AGMO: variants seen among roughly 807,000 people sequenced by gnomAD.
AGMO encodes the protein glyceryl-ether monooxygenase.
A neutral mutation model predicts 60.2 loss-of-function variants in AGMO; 75 were observed. That is an observed-to-expected ratio of 1.25 (90% CI 1.03 to 1.51). The LOEUF is 1.51. Ranked by LOEUF, AGMO falls within the 40% of genes most tolerant of loss-of-function variation. The pLI, the probability that AGMO is intolerant of heterozygous loss-of-function variation, is 0.00. For synonymous variants in AGMO, 261 were observed against 177.1 expected (o/e 1.47, Z -3.76); for missense variants, 763 against 525.5 (o/e 1.45, Z -4.42).
intron 12 of AGMO, chr7:15,306,571 T>A (rs1222958882): frequency 1.6e-5 from 6 of 373,604 alleles, no homozygotes; most frequent in Non-Finnish European, 1.6e-5. Flanking sequence ...TATGACTGTG[T>A]AAAAAAAAAA....
At chr7:15,355,338 TAA>T (rs902276805) in intron 12 of AGMO, among the ~76,000 whole-genome samples, 1 of 151,612 alleles carries the variant, frequency 6.6e-6, no homozygotes, top group Non-Finnish European at 1.5e-5. Flanking sequence ...CTGTCTCTAC[TAA>T]AAATACAAAA....
intron 4 of AGMO, among the ~76,000 whole-genome samples, chr7:15,423,120 T>C (rs1780969355): frequency 6.6e-6 from 1 of 152,194 alleles, no homozygotes; most frequent in African/African-American, 2.4e-5. Flanking sequence ...TTGAAAAATA[T>C]TTCATTAACA....
chr7:15,282,926 G>T (rs1219970723), intron 12 of AGMO, among the ~76,000 whole-genome samples: 1 of 152,122 alleles, frequency 6.6e-6, no homozygotes, highest in Non-Finnish European at 1.5e-5. Context: ...AAGTATTAAG[G>T]TCTTATCTTT....
intron 12 of AGMO, among the ~76,000 whole-genome samples, chr7:15,351,708 T>C (rs940739119): frequency 3.9e-5 from 6 of 152,318 alleles, no homozygotes; most frequent in African/African-American, 1.4e-4. Flanking sequence ...ACATTTTAAG[T>C]GGACACATAA....
At chr7:15,330,234 AAAT>A (rs1394534284) in intron 12 of AGMO, among the ~76,000 whole-genome samples, 4 of 152,130 alleles carry the variant, frequency 2.6e-5, no homozygotes, top group African/African-American at 9.7e-5. Flanking sequence ...AGTAGTACTA[AAAT>A]AATAAAATCC....
intron 2 of AGMO, among the ~76,000 whole-genome samples, chr7:15,550,350 A>T (rs1207801076): frequency 6.6e-6 from 1 of 152,070 alleles, no homozygotes; most frequent in Non-Finnish European, 1.5e-5. Flanking sequence ...GACACAAAAC[A>T]CCCTTCAAAA....
At chr7:15,140,962 T>C in the AGMO span, among the ~76,000 whole-genome samples, 6 of 152,186 alleles carry the variant, frequency 3.9e-5, no homozygotes, top group African/African-American at 7.2e-5. Flanking sequence ...TAGGCTTATA[T>C]TTAGTTGACC....
At chr7:15,305,204 G>A (rs1283696149) in intron 12 of AGMO, among the ~76,000 whole-genome samples, 2 of 150,328 alleles carry the variant, frequency 1.3e-5, no homozygotes, top group African/African-American at 2.5e-5. Context: ...GGGCAGGCAG[G>A]GGCAAGGACA....
At chr7:15,528,011 G>A (rs1056629872) in intron 3 of AGMO, among the ~76,000 whole-genome samples, 14 of 152,096 alleles carry the variant, frequency 9.2e-5, no homozygotes, top group African/African-American at 3.4e-4. Flanking sequence ...AGATGTACAA[G>A]GAAATCAATG....
At chr7:15,418,271 A>C (rs1780828986) in intron 5 of AGMO, among the ~76,000 whole-genome samples, 1 of 152,194 alleles carries the variant, frequency 6.6e-6, no homozygotes, top group South Asian at 2.1e-4. Context: ...ATAATGTTTA[A>C]TAAACTGTAA....
At chr7:15,409,569 G>C (rs1784787193) in intron 5 of AGMO, among the ~76,000 whole-genome samples, 2 of 151,988 alleles carry the variant, frequency 1.3e-5, no homozygotes, top group South Asian at 4.1e-4. Flanking sequence ...ATGGTTTCCT[G>C]CTGCATATAT....
At chr7:15,453,756 G>T (rs185626837) in intron 3 of AGMO, among the ~76,000 whole-genome samples, 1 of 152,084 alleles carries the variant, frequency 6.6e-6, no homozygotes, top group East Asian at 1.9e-4. Flanking sequence ...TGTGGCAGCA[G>T]GGTCAGGTGA....
chr7:15,524,219 CT>C lies in AGMO; in HGVS notation c.409+20552del, dbSNP rs982418290. ...AGATATCAACATAAGATTATATATA[CT>C]TTTTTTTTATATTCATATACACATA... On this transcript the variant is annotated intron_variant, in intron 3 of 12. Transcript: ENST00000342526. Among the ~76,000 whole-genome samples the C allele has an allele frequency of 2.3e-4, 35 of 150,906 alleles. No homozygotes were observed. In the East Asian group the frequency reaches 3.3e-3, roughly 14 times the overall value.
At chr7:15,455,920 A>G (rs1320222762) in intron 3 of AGMO, among the ~76,000 whole-genome samples, 1 of 152,090 alleles carries the variant, frequency 6.6e-6, no homozygotes, top group African/African-American at 2.4e-5. Context: ...TACTTGAGGC[A>G]TGCTAAATTT....
chr7:15,488,605 G>A (rs1025910672), intron 3 of AGMO, among the ~76,000 whole-genome samples: 7 of 152,036 alleles, frequency 4.6e-5, no homozygotes, highest in Admixed American at 2.0e-4. Flanking sequence ...TTAGAAAATC[G>A]TTGAGAATCA....
At chr7:15,394,052 A>G in intron 6 of AGMO, 61 bp downstream of exon 6, 1 of 1,282,294 alleles carries the variant, frequency 7.8e-7, no homozygotes, top group Non-Finnish European at 1.1e-6. Flanking sequence ...GAGATTAAGG[A>G]AAATAATAAT....
chr7:15,415,505 T>C (rs1399834150), intron 5 of AGMO, among the ~76,000 whole-genome samples: 1 of 151,988 alleles, frequency 6.6e-6, no homozygotes, highest in Non-Finnish European at 1.5e-5. Context: ...ATGGTGCCAC[T>C]GTACTCCAGC....
chr7:15,160,729 G>A, the AGMO span, among the ~76,000 whole-genome samples: 20 of 152,224 alleles, frequency 1.3e-4, no homozygotes, highest in African/African-American at 4.8e-4. Flanking sequence ...AATTTCATGT[G>A]TCAAATAGGT....
intron 12 of AGMO, chr7:15,306,521 G>C: frequency 2.1e-6 from 1 of 468,632 alleles, no homozygotes; most frequent in South Asian, 1.6e-5. Context: ...GTTCTCCAAA[G>C]TTCTCCTTGG....
Sources: gnomAD v4.1 joint callset for allele counts (sites outside exome capture counted in the v4.1 genomes callset) on GRCh38, gnomAD v4.1.1 for gene constraint, MANE v1.5 for transcripts, NCBI Gene and HGNC (gene_info 2026-07-23, HGNC 2026-07-21) for gene names.